Variants in TNRC6B observed in about 807,000 individuals in gnomAD.
TNRC6B encodes trinucleotide repeat-containing gene 6B protein.
In TNRC6B, 52 loss-of-function variants were observed where a neutral mutation model predicts 203.6. The ratio of observed to expected loss-of-function variants is 0.26; its 90% CI spans 0.20 to 0.32. The LOEUF (loss-of-function observed/expected upper bound fraction) is 0.32. Ranked by LOEUF, TNRC6B falls within the 10% of genes least tolerant of loss-of-function variation. The pLI is 1.00. For synonymous variants in TNRC6B, 838 were observed against 845.7 expected, an observed-to-expected ratio of 0.99 and a Z score of 0.16; for missense variants, 1,923 against 2,286.2, an observed-to-expected ratio of 0.84 and a Z score of 3.24.
chr22:40,283,028 TTTTA>T (rs1043937912), intron 11 of TNRC6B, among the ~76,000 whole-genome samples: 1 of 151,336 alleles, frequency 6.6e-6, no homozygotes, highest in Non-Finnish European at 1.5e-5. Context: ...ATTTTTTATT[TTTTA>T]TTTATTTATT....
In TNRC6B at chr22:40,328,300, T is replaced by C. The variant is rs1294563731; in HGVS notation, c.*5059T>C. On this transcript the variant is annotated 3_prime_UTR_variant, in exon 23 of 23. Coordinates refer to ENST00000454349, the MANE Select transcript of TNRC6B (RefSeq NM_001162501.2). ...TGATTTCCTATGAGTATGGCTCCTG[T>C]TGTAAGAATTTTCCCACCTCTTCTG... The C allele has an allele frequency of 6.6e-6, 1 of 152,242 alleles. No homozygotes were observed. The highest frequency in any genetic ancestry group is 6.5e-5 in the Admixed American group (1 of 15,288). The allele number at this position is 152,242 out of a possible 1,614,324, so 9.4% of individuals were successfully genotyped here.
intron 2 of TNRC6B, among the ~76,000 whole-genome samples, chr22:40,123,587 C>A (rs901678432): frequency 6.6e-6 from 1 of 152,188 alleles, no homozygotes; most frequent in African/African-American, 2.4e-5. Context: ...TCCCCTGGGG[C>A]ACACAGTTAG....
intron 1 of TNRC6B, among the ~76,000 whole-genome samples, chr22:40,110,064 T>G (rs1415195934): frequency 6.6e-6 from 1 of 152,200 alleles, no homozygotes; most frequent in African/African-American, 2.4e-5. Context: ...AAAATCAATA[T>G]GCAATATAGA....
At chr22:40,061,935 G>A (rs528749642) in intron 1 of TNRC6B, among the ~76,000 whole-genome samples, 18 of 151,894 alleles carry the variant, frequency 1.2e-4, no homozygotes, top group African/African-American at 9.7e-5. Flanking sequence ...TTAGCTGGGC[G>A]TGGTGGTGGG....
At chr22:40,217,065 A>T (rs2069645136) in intron 1 of TNRC6B, among the ~76,000 whole-genome samples, 1 of 151,982 alleles carries the variant, frequency 6.6e-6, no homozygotes, top group Admixed American at 6.6e-5. Context: ...CTTTCCTCTA[A>T]GTCATCTGCT....
At chr22:40,124,321 C>CT (rs545893898) in intron 2 of TNRC6B, among the ~76,000 whole-genome samples, 2,169 of 134,016 alleles carry the variant, frequency 0.016, 59 homozygotes, top group African/African-American at 0.036. Flanking sequence ...ATCTTTTTAC[C>CT]TTTTTTTTTT....
intron 3 of TNRC6B, among the ~76,000 whole-genome samples, chr22:40,132,442 C>CA (rs1401184334): frequency 6.6e-6 from 1 of 151,462 alleles, no homozygotes; most frequent in Non-Finnish European, 1.5e-5. Context: ...GATCACACCA[C>CA]GGCACTCCAG....
At chr22:40,083,400 G>C (rs59695077) in intron 1 of TNRC6B, among the ~76,000 whole-genome samples, 6,696 of 152,294 alleles carry the variant, frequency 0.044, 446 homozygotes, top group African/African-American at 0.14. Flanking sequence ...TATTGCTGAT[G>C]ATAGGGGCAG....
At chr22:40,170,849 G>GTGTATATATACATATATGTACATATA in intron 4 of TNRC6B, among the ~76,000 whole-genome samples, 1 of 92,262 alleles carries the variant, frequency 1.1e-5, no homozygotes, top group Non-Finnish European at 2.1e-5. Context: ...GTACATATAT[G>GTGTATATATACATATATGTACATATA]TGTGTATATA....
In TNRC6B at chr22:40,265,895, T is replaced by A. The variant is rs1373228619; in HGVS notation, c.1665T>A (p.Ala555=). 1.2e-6 allele frequency: 2 copies of A among 1,613,954 alleles called. No homozygotes were observed. Among genetic ancestry groups the A allele is most frequent in the South Asian group, 2.2e-5 (2 of 91,082 alleles). ...CTGAAAACCAAGGCAATGCCCAGGC[T>A]CCCTGTTGGGGAAGATCTTCCAGCT... ...PLPENQGNAQ[A]PCWGRSSSST... The change falls in exon 5 of 23, where the codon GCT becomes GCA. Residue 555 remains alanine (A), a synonymous_variant. Transcript: ENST00000454349.
intron 1 of TNRC6B, among the ~76,000 whole-genome samples, chr22:40,230,991 ACT>A (rs560256364): frequency 1.6e-4 from 24 of 151,948 alleles, no homozygotes; most frequent in Middle Eastern, 3.4e-3. Context: ...TGTTGAAAAC[ACT>A]CTCTTTTCTC....
chr22:40,185,517 C>CTT (rs1234996793), intron 1 of TNRC6B, among the ~76,000 whole-genome samples: 1 of 152,112 alleles, frequency 6.6e-6, no homozygotes, highest in Non-Finnish European at 1.5e-5. Context: ...TTGTTGAGGA[C>CTT]TTTGTATTTG....
intron 1 of TNRC6B, among the ~76,000 whole-genome samples, chr22:40,201,840 A>G (rs959727732): frequency 6.6e-6 from 1 of 152,126 alleles, no homozygotes; most frequent in Non-Finnish European, 1.5e-5. Context: ...GAGAGTGCTC[A>G]TTGGAGTATT....
At chr22:40,262,238 C>T in intron 4 of TNRC6B, 65 bp downstream of exon 4, 9 of 1,301,986 alleles carry the variant, frequency 6.9e-6, no homozygotes, top group Non-Finnish European at 9.0e-6. Context: ...GTTTGCATTG[C>T]TTGATGTAAA....
intron 19 of TNRC6B, among the ~76,000 whole-genome samples, chr22:40,313,456 C>G (rs982559215): frequency 6.6e-6 from 1 of 151,068 alleles, no homozygotes; most frequent in Non-Finnish European, 1.5e-5. Flanking sequence ...GACCTTGATT[C>G]ATTTTACCAT....
intron 9 of TNRC6B, among the ~76,000 whole-genome samples, chr22:40,278,640 T>A (rs2070685276): frequency 6.6e-6 from 1 of 151,896 alleles, no homozygotes; most frequent in South Asian, 2.1e-4. Flanking sequence ...CTTGCATTGC[T>A]CCTAGCAGTT....
intron 1 of TNRC6B, among the ~76,000 whole-genome samples, chr22:40,182,160 G>C (rs545671016): frequency 6.6e-6 from 1 of 152,026 alleles, no homozygotes; most frequent in East Asian, 1.9e-4. Context: ...CAGGAGAATC[G>C]TTTGAACCCA....
At chr22:40,137,536 G>C (rs2068610161) in intron 3 of TNRC6B, among the ~76,000 whole-genome samples, 1 of 152,160 alleles carries the variant, frequency 6.6e-6, no homozygotes, top group Non-Finnish European at 1.5e-5. Flanking sequence ...CGTATTCAGA[G>C]CCACACATTT....
intron 2 of TNRC6B, among the ~76,000 whole-genome samples, chr22:40,248,517 T>C (rs1601918679): frequency 6.6e-6 from 1 of 152,172 alleles, no homozygotes; most frequent in Non-Finnish European, 1.5e-5. Context: ...ACTACAAATA[T>C]CAATACCTAA....
Sources: gnomAD v4.1 joint callset for allele counts (sites outside exome capture counted in the v4.1 genomes callset) on GRCh38, gnomAD v4.1.1 for gene constraint, MANE v1.5 for transcripts, NCBI Gene and HGNC (gene_info 2026-07-23, HGNC 2026-07-21) for gene names.